Variants in OSBPL1A observed in about 807,000 individuals in gnomAD.
OSBPL1A encodes oxysterol binding protein like 1A.
OSBPL1A carries 80 observed loss-of-function variants against 137.1 expected under a neutral mutation model. That is an observed-to-expected ratio of 0.58 (90% CI 0.49 to 0.70). The LOEUF (loss-of-function observed/expected upper bound fraction) is 0.70, where lower values mean the gene tolerates loss of function less well. Ranked by LOEUF, OSBPL1A falls within the 30% of genes least tolerant of loss-of-function variation. The probability of loss-of-function intolerance (pLI) is 0.00; values close to 1 mark genes in which losing one functional copy is unlikely to be tolerated. For missense variants in OSBPL1A, 970 were observed against 1,129.4 expected (o/e 0.86, Z 2.02); for synonymous variants, 365 against 389.7 (o/e 0.94, Z 0.75).
rs1250243170 is a variant in OSBPL1A at position 24,389,849 on chromosome 18, C to T, written c.-3+7806G>A. 1.1e-4 allele frequency among the ~76,000 whole-genome samples: 17 copies of T among 151,878 alleles called. No individual in the cohort carries two copies. The East Asian group carries it at 2.9e-3, about 26-fold the overall frequency. ...CCCAGCTACTGGGGAGGCTGAGGTA[C>T]AAGAATCACTTGAACCCAGGAGGCA... is the stretch of plus-strand genomic sequence containing the variant. On this transcript the variant is annotated intron_variant, in intron 1 of 27. Coordinates refer to ENST00000319481, the MANE Select transcript of OSBPL1A (RefSeq NM_080597.4).
chr18:24,219,004 A>G (rs1036594990), intron 17 of OSBPL1A, among the ~76,000 whole-genome samples: 3 of 152,158 alleles, frequency 2.0e-5, no homozygotes, highest in Non-Finnish European at 4.4e-5. Flanking sequence ...TTGCTTTAAA[A>G]ATAGGAGGCC....
intron 1 of OSBPL1A, among the ~76,000 whole-genome samples, chr18:24,385,377 G>A (rs1906895994): frequency 6.6e-6 from 1 of 152,092 alleles, no homozygotes; most frequent in African/African-American, 2.4e-5. Context: ...GGTAACAGAA[G>A]GAGATCCTGT....
At chr18:24,357,705 A>G (rs967426208) in intron 4 of OSBPL1A, 2 of 152,166 alleles carry the variant, frequency 1.3e-5, no homozygotes, top group South Asian at 4.1e-4. Flanking sequence ...CGAGGCTAGG[A>G]TGTTCAAAGC....
intron 17 of OSBPL1A, among the ~76,000 whole-genome samples, chr18:24,203,849 G>A (rs1482979052): frequency 6.6e-6 from 1 of 152,046 alleles, no homozygotes; most frequent in Non-Finnish European, 1.5e-5. Flanking sequence ...ACGCAAATTT[G>A]TTGATGTCAA....
chr18:24,271,701 G>GCTC lies in OSBPL1A; in HGVS notation c.1281+9138_1281+9140dup. On this transcript the variant is annotated intron_variant, in intron 15 of 27. Transcript: ENST00000319481. This position sits in a 1 kb window ranked among gnomAD's most constrained non-coding sequence, Gnocchi z 4.0. ...GCTCCAGCGCGAATGCGCTCGGCCT[G>GCTC]CTCCTCCTCCTCCCCTCCAGTCGAG... The GCTC allele has an allele frequency of 1.0e-6, 1 of 985,688 alleles. No individual in the cohort carries two copies. Among genetic ancestry groups the GCTC allele is most frequent in the Non-Finnish European group, 1.2e-6 (1 of 830,312 alleles). 61.1% of individuals were successfully genotyped at this position (985,688 alleles called of 1,614,324 possible). A position where few individuals can be genotyped will look rare whatever the true frequency, so the allele number is the denominator to read the frequency against.
intron 13 of OSBPL1A, among the ~76,000 whole-genome samples, chr18:24,309,879 T>A (rs986604345): frequency 1.3e-5 from 2 of 151,746 alleles, no homozygotes; most frequent in African/African-American, 2.4e-5. Context: ...AAACCCCGTC[T>A]CTACTAAAAT....
rs572694022 is a variant in OSBPL1A, at chr18:24,165,164, A to G, written c.2660-9T>C. On this transcript the variant is annotated splice_polypyrimidine_tract_variant and intron_variant, in intron 26 of 27. Transcript: ENST00000319481. Reference sequence around the variant, plus strand: ...TTCTTCACTAGCTTGATCTAAAATAAGAACATCAACACAAACCATTAACAC... The same window carrying G: ...TTCTTCACTAGCTTGATCTAAAATAGGAACATCAACACAAACCATTAACAC... The G allele has an allele frequency of 1.9e-6, 3 of 1,613,156 alleles. No individual in the cohort carries two copies. Among genetic ancestry groups the G allele is most frequent in the African/African-American group, 1.3e-5 (1 of 75,012 alleles).
At chr18:24,258,132 A>C (rs1230909213) in intron 15 of OSBPL1A, among the ~76,000 whole-genome samples, 1 of 152,200 alleles carries the variant, frequency 6.6e-6, no homozygotes, top group Non-Finnish European at 1.5e-5. Flanking sequence ...TTCCCAAAAA[A>C]AGGAAAAGCA....
chr18:24,344,431 C>A (rs1599692723), intron 4 of OSBPL1A, among the ~76,000 whole-genome samples: 2 of 152,054 alleles, frequency 1.3e-5, no homozygotes, highest in South Asian at 4.2e-4. Context: ...CCAGTCTGGG[C>A]AACAGAGCAA....
chr18:24,299,938 A>G (rs1452584479), intron 14 of OSBPL1A, among the ~76,000 whole-genome samples: 1 of 152,228 alleles, frequency 6.6e-6, no homozygotes, highest in Admixed American at 6.5e-5. Flanking sequence ...TCAAATATAA[A>G]TGCACAATAT....
intron 17 of OSBPL1A, among the ~76,000 whole-genome samples, chr18:24,196,847 G>A (rs561024922): frequency 2.0e-5 from 3 of 152,284 alleles, no homozygotes; most frequent in East Asian, 3.9e-4. Context: ...GAGCATCTTC[G>A]AAGCCTCTGT....
At chr18:24,306,457 C>G (rs1255400427) in intron 13 of OSBPL1A, among the ~76,000 whole-genome samples, 1 of 152,122 alleles carries the variant, frequency 6.6e-6, no homozygotes, top group Non-Finnish European at 1.5e-5. Flanking sequence ...AGCACAGAAG[C>G]AGATTGCCAC....
At chr18:24,388,814 A>T (rs1308030764) in intron 1 of OSBPL1A, among the ~76,000 whole-genome samples, 1 of 151,742 alleles carries the variant, frequency 6.6e-6, no homozygotes, top group Non-Finnish European at 1.5e-5. Context: ...AAAAAAAAAA[A>T]AAAAAAACCA....
intron 1 of OSBPL1A, among the ~76,000 whole-genome samples, chr18:24,392,054 T>C (rs1184911253): frequency 6.6e-6 from 1 of 151,976 alleles, no homozygotes; most frequent in African/African-American, 2.4e-5. Flanking sequence ...CAGGGTTTCA[T>C]CGTGTTGCCC....
At chr18:24,175,561 T>C (rs1157647493) in intron 21 of OSBPL1A, among the ~76,000 whole-genome samples, 1 of 152,200 alleles carries the variant, frequency 6.6e-6, no homozygotes, top group Non-Finnish European at 1.5e-5. Context: ...GGCTATATGA[T>C]TTGCAAATAA....
chr18:24,255,654 C>A (rs1244354669), intron 15 of OSBPL1A, among the ~76,000 whole-genome samples: 1 of 152,170 alleles, frequency 6.6e-6, no homozygotes, highest in African/African-American at 2.4e-5. Context: ...TCTCAAGTCT[C>A]CCTAAAATGT....
chr18:24,262,838 G>C (rs1299444502), intron 15 of OSBPL1A, among the ~76,000 whole-genome samples: 1 of 149,390 alleles, frequency 6.7e-6, no homozygotes, highest in Non-Finnish European at 1.5e-5. Context: ...CCATGGTTTA[G>C]GTTTGTCTGT....
intron 14 of OSBPL1A, among the ~76,000 whole-genome samples, chr18:24,281,728 T>C (rs370274185): frequency 6.6e-6 from 1 of 152,186 alleles, no homozygotes; most frequent in East Asian, 1.9e-4. Flanking sequence ...GCACACGCTT[T>C]ATTTAGGGCA....
chr18:24,335,303 T>C (rs2091156834), intron 5 of OSBPL1A, among the ~76,000 whole-genome samples: 1 of 152,142 alleles, frequency 6.6e-6, no homozygotes, highest in African/African-American at 2.4e-5. Flanking sequence ...GGTGTTGTTA[T>C]TATATTGATT....
Sources: gnomAD v4.1 joint callset for allele counts (sites outside exome capture counted in the v4.1 genomes callset) on GRCh38, gnomAD v4.1.1 for gene constraint, Gnocchi (gnomAD v3.1) non-coding constraint, MANE v1.5 for transcripts, NCBI Gene and HGNC (gene_info 2026-07-23, HGNC 2026-07-21) for gene names.